The following SPATA6 variants were observed in gnomAD, a reference collection of about 807,000 sequenced individuals.
The protein encoded by SPATA6 is spermatogenesis associated 6, also known as spermatogenesis-associated protein 6.
A neutral mutation model predicts 65.3 loss-of-function variants in SPATA6; 56 were observed. The ratio of observed to expected loss-of-function variants is 0.86; its 90% CI spans 0.69 to 1.07. SPATA6 has a LOEUF of 1.07. Among genes scored for constraint, SPATA6 ranks in the 50% least tolerant of loss-of-function variants. SPATA6 has a pLI of 0.00. For synonymous variants in SPATA6, 199 were observed against 213.2 expected, an observed-to-expected ratio of 0.93 and a Z score of 0.58; for missense variants, 590 against 594.8, an observed-to-expected ratio of 0.99 and a Z score of 0.08.
chr1:48,367,782 T>C (rs1168906533), intron 9 of SPATA6, among the ~76,000 whole-genome samples: 2 of 152,218 alleles, frequency 1.3e-5, no homozygotes, highest in Admixed American at 1.3e-4. Context: ...AATTGGAGCA[T>C]TTAGTCCATT....
chr1:48,454,435 C>A (rs977074879), intron 1 of SPATA6, among the ~76,000 whole-genome samples: 4 of 152,120 alleles, frequency 2.6e-5, no homozygotes, highest in African/African-American at 7.2e-5. Flanking sequence ...CCAAGACATA[C>A]ATCAATGAAC....
chr1:48,268,555 TA>T, the SPATA6 span, among the ~76,000 whole-genome samples: 21,146 of 149,972 alleles, frequency 0.14, 1,658 homozygotes, highest in African/African-American at 0.2. Context: ...TGTGCTAAAT[TA>T]AAAAAAAAAT....
intron 9 of SPATA6, among the ~76,000 whole-genome samples, chr1:48,381,850 T>A (rs956875991): frequency 2.8e-5 from 4 of 145,094 alleles, no homozygotes; most frequent in African/African-American, 1.0e-4. Flanking sequence ...CCTGCGGCCT[T>A]GGCCTTCCGC....
chr1:48,403,086 G>C (rs2147945351), intron 6 of SPATA6, among the ~76,000 whole-genome samples: 1 of 152,146 alleles, frequency 6.6e-6, no homozygotes, highest in South Asian at 2.1e-4. Flanking sequence ...TGATGCAGAA[G>C]GATTGCTTGA....
intron 9 of SPATA6, among the ~76,000 whole-genome samples, chr1:48,369,991 T>G (rs2148855375): frequency 6.6e-6 from 1 of 152,346 alleles, no homozygotes; most frequent in African/African-American, 2.4e-5. Flanking sequence ...ATCTATGATA[T>G]GCAGAGTTTT....
At chr1:48,363,092 G>A (rs946607743) in intron 9 of SPATA6, among the ~76,000 whole-genome samples, 3 of 152,080 alleles carry the variant, frequency 2.0e-5, no homozygotes, top group African/African-American at 2.4e-5. Context: ...AAGTAATTGC[G>A]CAATGGGAAC....
intron 3 of SPATA6, among the ~76,000 whole-genome samples, chr1:48,434,968 T>G (rs1292914146): frequency 6.6e-6 from 1 of 151,028 alleles, no homozygotes; most frequent in Non-Finnish European, 1.5e-5. Flanking sequence ...AATATAATTG[T>G]ATTAATTTAT....
At chr1:48,350,393 T>C (rs936553277) in intron 11 of SPATA6, among the ~76,000 whole-genome samples, 2 of 151,676 alleles carry the variant, frequency 1.3e-5, no homozygotes, top group African/African-American at 4.8e-5. Context: ...TTTTTCTTTC[T>C]CTTAATAGTG....
chr1:48,460,841 T>A (rs1441475126), intron 1 of SPATA6, among the ~76,000 whole-genome samples: 2 of 151,892 alleles, frequency 1.3e-5, no homozygotes, highest in African/African-American at 4.8e-5. Context: ...GAGATAAATT[T>A]TAAATTATTA....
intron 11 of SPATA6, among the ~76,000 whole-genome samples, chr1:48,349,887 C>T (rs1212926901): frequency 6.6e-6 from 1 of 151,894 alleles, no homozygotes; most frequent in African/African-American, 2.4e-5. Context: ...ATCTCTGTTG[C>T]CTCCACCTTT....
the SPATA6 span, among the ~76,000 whole-genome samples, chr1:48,265,411 G>A: frequency 1.3e-5 from 2 of 151,234 alleles, no homozygotes; most frequent in African/African-American, 4.9e-5. Flanking sequence ...AAAAACCCCT[G>A]GGATTTAAAG....
At chr1:48,400,107 T>C (rs1212792596) in intron 6 of SPATA6, among the ~76,000 whole-genome samples, 1 of 151,874 alleles carries the variant, frequency 6.6e-6, no homozygotes, top group African/African-American at 2.4e-5. Flanking sequence ...ATAAGTTTCA[T>C]CCCTTCTGCT....
At chr1:48,458,823 T>A (rs1225055081) in intron 1 of SPATA6, among the ~76,000 whole-genome samples, 2 of 152,158 alleles carry the variant, frequency 1.3e-5, no homozygotes, top group Non-Finnish European at 2.9e-5. Flanking sequence ...AGGATTTTTT[T>A]ATATGGTGAT....
chr1:48,359,037 A>G (rs913000996), intron 10 of SPATA6, among the ~76,000 whole-genome samples: 16 of 152,168 alleles, frequency 1.1e-4, no homozygotes, highest in Admixed American at 4.6e-4. Context: ...TCCTATTTCA[A>G]TTTTAAAATA....
intron 11 of SPATA6, among the ~76,000 whole-genome samples, chr1:48,337,845 TAG>T: frequency 6.6e-6 from 1 of 152,002 alleles, no homozygotes; most frequent in East Asian, 1.9e-4. Context: ...TCTAAATTAA[TAG>T]ACACAATTTC....
intron 11 of SPATA6, 69 bp from the exon 12 acceptor site, chr1:48,305,947 C>A: frequency 8.6e-7 from 1 of 1,157,618 alleles, no homozygotes; most frequent in Non-Finnish European, 1.3e-6. Flanking sequence ...TATGTTTCTT[C>A]ATAAAATGCT....
At chr1:48,436,247 A>G in intron 3 of SPATA6, 1 of 1,613,760 alleles carries the variant, frequency 6.2e-7, no homozygotes, top group Non-Finnish European at 8.5e-7. Flanking sequence ...ACAAATCTGG[A>G]AAACTGCAAT....
In SPATA6 at chr1:48,452,977, C is replaced by G. The variant is rs1656708724; in HGVS notation, c.189+17G>C. ...GATGTTTTGTTTGTTAATACTTGAT[C>G]TGATATTTGAACTCACCTTTTCAAA... On this transcript the variant is annotated intron_variant, in intron 2 of 12. Transcript: ENST00000371847. 2 of 1,606,770 alleles carry G rather than the reference C, an allele frequency of 1.2e-6. No homozygotes were observed. Among genetic ancestry groups the G allele is most frequent in the Admixed American group, 1.7e-5 (1 of 58,156 alleles).
intron 1 of SPATA6, among the ~76,000 whole-genome samples, chr1:48,460,307 T>C (rs1657330453): frequency 6.6e-6 from 1 of 152,204 alleles, no homozygotes; most frequent in Admixed American, 6.5e-5. Context: ...CATTAAATCT[T>C]CGAAATTCTT....
Sources: gnomAD v4.1 joint callset for allele counts (sites outside exome capture counted in the v4.1 genomes callset) on GRCh38, gnomAD v4.1.1 for gene constraint, MANE v1.5 for transcripts, NCBI Gene and HGNC (gene_info 2026-07-23, HGNC 2026-07-21) for gene names.